THSD7A: variants seen among roughly 807,000 people sequenced by gnomAD.
THSD7A encodes the protein thrombospondin type 1 domain containing 7A.
A neutral mutation model predicts 231.3 loss-of-function variants in THSD7A; 96 were observed. The ratio of observed to expected loss-of-function variants is 0.41; its 90% CI spans 0.35 to 0.49. The LOEUF (loss-of-function observed/expected upper bound fraction) is 0.49, where lower values mean the gene tolerates loss of function less well. THSD7A is among the 20% of genes least tolerant of loss of function. The pLI is 0.05. For synonymous variants in THSD7A, 940 were observed against 743.3 expected (o/e 1.26, Z -4.30); for missense variants, 2,290 against 2,070.2 (o/e 1.11, Z -2.06).
chr7:11,794,665 C>G (rs1784066893), intron 1 of THSD7A, among the ~76,000 whole-genome samples: 1 of 151,878 alleles, frequency 6.6e-6, no homozygotes, highest in Non-Finnish European at 1.5e-5. Flanking sequence ...TCGCCTAAGA[C>G]CTAAGAATCA....
intron 1 of THSD7A, among the ~76,000 whole-genome samples, chr7:11,691,154 T>G (rs1297920945): frequency 6.6e-6 from 1 of 151,630 alleles, no homozygotes; most frequent in Non-Finnish European, 1.5e-5. Flanking sequence ...TTTTTAAAAT[T>G]TATTAACCAT....
intron 5 of THSD7A, 108 bp from the exon 6 acceptor site, chr7:11,541,739 T>C: frequency 1.9e-6 from 2 of 1,034,152 alleles, no homozygotes; most frequent in Non-Finnish European, 2.9e-6. Flanking sequence ...GAGGTAGAAG[T>C]CATTTCTGTT....
rs766533086 is a variant in THSD7A, at chr7:11,637,609, G to T, written c.191-648C>A. 2.6e-5 allele frequency among the ~76,000 whole-genome samples: 4 copies of T among 152,138 alleles called. No individual in the cohort carries two copies. The highest frequency in any genetic ancestry group is 9.7e-5 in the African/African-American group (4 of 41,424). On this transcript the variant is annotated intron_variant, in intron 1 of 27. Transcript: ENST00000423059. The surrounding 1 kb of genome is among the most constrained non-coding windows in gnomAD (Gnocchi z 4.2). ...ATTTCCCCCCCATTTCCCAAGTGAA[G>T]TATAGAGCTGGGTAAGGGAATTTAA...
rs533145591 is a variant in THSD7A, at chr7:11,571,186, CT to C, written c.1453+19273del. Among the ~76,000 whole-genome samples, 301 of 152,280 alleles carry C rather than the reference CT, an allele frequency of 2.0e-3. 1 individual carries two copies. The highest frequency in any genetic ancestry group is 7.1e-3 in the African/African-American group (293 of 41,560). On this transcript the variant is annotated intron_variant, in intron 4 of 27. Transcript: ENST00000423059. Reference sequence around the variant, plus strand: ...CAAATATGAGAAGGGAAGCTGATTTCTCTTCCAGACCATAAGTTTTGGTTCC... The same window carrying C: ...CAAATATGAGAAGGGAAGCTGATTTCCTTCCAGACCATAAGTTTTGGTTCC...
At position 11,383,791 on chromosome 7, in the gene THSD7A, T is replaced by C. The variant is rs1024369937; in HGVS notation, c.4412-1175A>G. Reference sequence around the variant, plus strand: ...GCCTTCTATATTTTTTCTCATTGAATTGTAGAAATTCTTCATTCTGGAACA... The same window carrying C: ...GCCTTCTATATTTTTTCTCATTGAACTGTAGAAATTCTTCATTCTGGAACA... On this transcript the variant is annotated intron_variant, in intron 23 of 27. Coordinates refer to ENST00000423059, the MANE Select transcript of THSD7A (RefSeq NM_015204.3). The C allele has an allele frequency of 3.3e-5, 5 of 152,128 alleles. No individual in the cohort carries two copies. In the East Asian group the frequency reaches 9.6e-4, roughly 29 times the overall value. The allele number at this position is 152,128 out of a possible 1,614,324, so 9.4% of individuals were successfully genotyped here. A position where few individuals can be genotyped will look rare whatever the true frequency, so the allele number is the denominator to read the frequency against.
chr7:11,406,526 A>C lies in THSD7A; in HGVS notation c.4063-52T>G, dbSNP rs558883166. 4.0e-4 allele frequency: 599 copies of C among 1,496,198 alleles called. 9 individuals carry two copies. In the South Asian group the frequency reaches 7.4e-3, roughly 19 times the overall value. 92.7% of individuals were successfully genotyped at this position (1,496,198 alleles called of 1,614,324 possible). On this transcript the variant is annotated intron_variant, in intron 21 of 27. Transcript: ENST00000423059. This position sits in a 1 kb window ranked among gnomAD's most constrained non-coding sequence, Gnocchi z 4.7. ...TAGAAAAAGAGAAATACTTCATTAG[A>C]GAGCTCATCACTTAGTTATCTCTGC...
intron 2 of THSD7A, among the ~76,000 whole-genome samples, chr7:11,611,818 A>AT (rs1453043702): frequency 3.9e-5 from 5 of 127,222 alleles, no homozygotes; most frequent in Non-Finnish European, 7.5e-5. Flanking sequence ...ACACACACAC[A>AT]CACACACACA....
intron 26 of THSD7A, among the ~76,000 whole-genome samples, chr7:11,378,398 G>C (rs565235436): frequency 6.6e-6 from 1 of 152,308 alleles, no homozygotes; most frequent in Non-Finnish European, 1.5e-5. Flanking sequence ...GTGCAGAGTA[G>C]AGAATAGCAT....
chr7:11,394,619 G>A (rs1017046221), intron 23 of THSD7A, among the ~76,000 whole-genome samples: 8 of 152,120 alleles, frequency 5.3e-5, no homozygotes, highest in East Asian at 1.9e-4. Flanking sequence ...TTGATCACCC[G>A]CACACGTGAT....
At chr7:11,756,144 T>C (rs911863816) in intron 1 of THSD7A, among the ~76,000 whole-genome samples, 12 of 152,136 alleles carry the variant, frequency 7.9e-5, no homozygotes, top group Middle Eastern at 3.2e-3. Context: ...GGTCCTTTTA[T>C]ACTTTCTCTT....
intron 6 of THSD7A, among the ~76,000 whole-genome samples, chr7:11,518,601 A>ACACC: frequency 6.6e-6 from 1 of 151,048 alleles, no homozygotes; most frequent in Non-Finnish European, 1.5e-5. Flanking sequence ...AAATAGAAAC[A>ACACC]CACACACACA....
chr7:11,413,891 CCT>C (rs1562591136), intron 17 of THSD7A: 1 of 152,274 alleles, frequency 6.6e-6, no homozygotes, highest in African/African-American at 2.4e-5. Context: ...AGCTTTGACC[CCT>C]GTGATTTCAT....
chr7:11,703,356 T>C (rs1780665277), intron 1 of THSD7A, among the ~76,000 whole-genome samples: 1 of 151,264 alleles, frequency 6.6e-6, no homozygotes. Context: ...TTATTTCTTC[T>C]TTGCAGTTTG....
chr7:11,387,150 C>G lies in THSD7A; in HGVS notation c.4412-4534G>C, dbSNP rs560778837. 3.3e-5 allele frequency among the ~76,000 whole-genome samples: 5 copies of G among 152,248 alleles called. No individual in the cohort carries two copies. In the East Asian group the frequency reaches 5.8e-4, roughly 18 times the overall value. Reference sequence around the variant, plus strand: ...GGTTTGAAGTCAGGTAGCATGATGCCTCCAGCTTTGTTCTTTTTGCTTAGG... The same window carrying G: ...GGTTTGAAGTCAGGTAGCATGATGCGTCCAGCTTTGTTCTTTTTGCTTAGG... On this transcript the variant is annotated intron_variant, in intron 23 of 27. Transcript: ENST00000423059.
chr7:11,725,633 G>C, intron 1 of THSD7A, among the ~76,000 whole-genome samples: 1 of 152,094 alleles, frequency 6.6e-6, no homozygotes, highest in Middle Eastern at 3.4e-3. Flanking sequence ...AAACTGTCAT[G>C]TATTTTAAAT....
intron 1 of THSD7A, among the ~76,000 whole-genome samples, chr7:11,652,754 G>C (rs1378444105): frequency 2.0e-5 from 3 of 151,912 alleles, no homozygotes; most frequent in Admixed American, 1.3e-4. Flanking sequence ...CAAACTCCAT[G>C]TGTCTAAAGA....
At chr7:11,738,871 G>A (rs533095174) in intron 1 of THSD7A, among the ~76,000 whole-genome samples, 1 of 152,098 alleles carries the variant, frequency 6.6e-6, no homozygotes, top group East Asian at 2.0e-4. Context: ...TACACAGTGA[G>A]ACCCACTTCA....
rs577331467 is a variant in THSD7A at position 11,444,016 on chromosome 7, C to A, written c.3064+2045G>T. On this transcript the variant is annotated intron_variant, in intron 13 of 27. Transcript: ENST00000423059. This position sits in a 1 kb window ranked among gnomAD's most constrained non-coding sequence, Gnocchi z 4.2. Reference sequence around the variant, plus strand: ...ATATGAACAGGCAGTTCTCAAAAGACGACATTTATGTGGCTAACAAACATA... The same window carrying A: ...ATATGAACAGGCAGTTCTCAAAAGAAGACATTTATGTGGCTAACAAACATA... Among the ~76,000 whole-genome samples the A allele has an allele frequency of 2.6e-5, 4 of 152,026 alleles. No homozygotes were observed. Among genetic ancestry groups the A allele is most frequent in the African/African-American group, 9.6e-5 (4 of 41,488 alleles).
At chr7:11,687,277 T>A (rs563584674) in intron 1 of THSD7A, among the ~76,000 whole-genome samples, 134 of 152,058 alleles carry the variant, frequency 8.8e-4, no homozygotes, top group South Asian at 4.1e-3. Flanking sequence ...ATTTCGCTAA[T>A]CACTAAGAAG....
Sources: gnomAD v4.1 joint callset for allele counts (sites outside exome capture counted in the v4.1 genomes callset) on GRCh38, gnomAD v4.1.1 for gene constraint, Gnocchi (gnomAD v3.1) non-coding constraint, MANE v1.5 for transcripts, NCBI Gene and HGNC (gene_info 2026-07-23, HGNC 2026-07-21) for gene names.